Variants in CCDC150 observed in about 807,000 individuals in gnomAD.
CCDC150 encodes coiled-coil domain containing 150.
A neutral mutation model predicts 156.5 loss-of-function variants in CCDC150; 151 were observed. The ratio of observed to expected loss-of-function variants is 0.97; its 90% CI spans 0.85 to 1.10. The LOEUF is 1.10. CCDC150 is among the 50% of genes least tolerant of loss of function. CCDC150 has a pLI of 0.00. For missense variants in CCDC150, 1,312 were observed against 1,268.1 expected (o/e 1.03, Z -0.53); for synonymous variants, 452 against 429.4 (o/e 1.05, Z -0.65).
chr2:196,710,220 C>T (rs1044719126), intron 15 of CCDC150, among the ~76,000 whole-genome samples: 19 of 152,262 alleles, frequency 1.2e-4, no homozygotes, highest in African/African-American at 3.4e-4. Flanking sequence ...TCAGCAATGG[C>T]GGACGCCCCT....
chr2:196,670,257 C>CA (rs1694123237), intron 8 of CCDC150, among the ~76,000 whole-genome samples: 1 of 151,920 alleles, frequency 6.6e-6, no homozygotes, highest in South Asian at 2.1e-4. Context: ...TAAATTTTGT[C>CA]ATGTATATTT....
At chr2:196,676,449 A>T (rs1281069099) in intron 11 of CCDC150, 105 bp from the exon 12 acceptor site, 1 of 1,305,592 alleles carries the variant, frequency 7.7e-7, no homozygotes, top group African/African-American at 1.5e-5. Flanking sequence ...CATTTTGGTA[A>T]CTACTCTCAG....
chr2:196,674,573 A>G (rs1336209981), intron 10 of CCDC150, among the ~76,000 whole-genome samples: 3 of 152,154 alleles, frequency 2.0e-5, no homozygotes, highest in Non-Finnish European at 2.9e-5. Flanking sequence ...TTGAGGAAAA[A>G]TAATTATTTG....
intron 9 of CCDC150, among the ~76,000 whole-genome samples, chr2:196,672,752 G>A (rs1210568419): frequency 1.3e-5 from 2 of 152,054 alleles, no homozygotes; most frequent in Non-Finnish European, 2.9e-5. Flanking sequence ...GTGAACTTCT[G>A]AATAATTCCA....
At chr2:196,644,930 C>T (rs1692441871) in intron 1 of CCDC150, among the ~76,000 whole-genome samples, 1 of 148,188 alleles carries the variant, frequency 6.7e-6, no homozygotes. Flanking sequence ...GCCTGGCCAA[C>T]ATGGTGAAAC....
At chr2:196,704,708 A>G (rs1261024770) in intron 15 of CCDC150, among the ~76,000 whole-genome samples, 1 of 151,606 alleles carries the variant, frequency 6.6e-6, no homozygotes, top group South Asian at 2.1e-4. Flanking sequence ...GCTGCTCCCC[A>G]CCCCACGACA....
Position 196,656,821 on chromosome 2 carries a change from A to G in CCDC150, c.365A>G (p.Gln122Arg). The G allele has an allele frequency of 1.2e-6, 2 of 1,613,950 alleles. No individual in the cohort carries two copies. The highest frequency in any genetic ancestry group is 1.7e-6 in the Non-Finnish European group (2 of 1,179,854). Residue 122 changes from glutamine to arginine, a missense_variant, in exon 3 of 28, where the codon CAA becomes CGA. Physicochemically the swap from Gln to Arg is conservative, Grantham distance 43 (BLOSUM62 1). Coordinates refer to ENST00000389175, the MANE Select transcript of CCDC150 (RefSeq NM_001080539.2). The stretch of plus-strand genomic sequence containing the variant: ...TTGAAGATGAACATCTTTCGGCTGC[A>G]AACTGAAAAGGATTTGAATCCTCAG... ...QSLKMNIFRL[Q>R]TEKDLNPQKT...
At chr2:196,655,113 A>C (rs1693112084) in intron 2 of CCDC150, among the ~76,000 whole-genome samples, 1 of 152,216 alleles carries the variant, frequency 6.6e-6, no homozygotes, top group Non-Finnish European at 1.5e-5. Context: ...TTTATCCCTT[A>C]CTGCGCTAAA....
chr2:196,675,862 A>G (rs1014802259), intron 10 of CCDC150, among the ~76,000 whole-genome samples: 1 of 152,174 alleles, frequency 6.6e-6, no homozygotes, highest in Non-Finnish European at 1.5e-5. Flanking sequence ...ATATTTAAAA[A>G]TTTGTTGGTA....
intron 13 of CCDC150, among the ~76,000 whole-genome samples, chr2:196,682,465 TGA>T (rs1251400511): frequency 3.3e-5 from 5 of 152,036 alleles, no homozygotes; most frequent in Admixed American, 2.6e-4. Context: ...CATTTCTATA[TGA>T]ATTTTAGGAC....
At chr2:196,699,941 T>A (rs1408978998) in intron 14 of CCDC150, among the ~76,000 whole-genome samples, 1 of 152,222 alleles carries the variant, frequency 6.6e-6, no homozygotes, top group Non-Finnish European at 1.5e-5. Context: ...GTTCACACAC[T>A]TAAAATAAAG....
intron 5 of CCDC150, among the ~76,000 whole-genome samples, chr2:196,662,448 G>T (rs898763686): frequency 6.6e-6 from 1 of 152,168 alleles, no homozygotes; most frequent in Non-Finnish European, 1.5e-5. Flanking sequence ...TCAGGCATTA[G>T]TTAGATTCTC....
At chr2:196,694,374 T>C (rs966942231) in intron 13 of CCDC150, among the ~76,000 whole-genome samples, 3 of 152,170 alleles carry the variant, frequency 2.0e-5, no homozygotes, top group Non-Finnish European at 2.9e-5. Context: ...TTTGCATCTA[T>C]ATTCATAAGC....
chr2:196,677,283 C>G lies in CCDC150; in HGVS notation c.1441-10C>G, dbSNP rs370859251. 6.4e-7 allele frequency: 1 copy of G among 1,558,450 alleles called. No individual in the cohort carries two copies. The highest frequency in any genetic ancestry group is 1.9e-5 in the Admixed American group (1 of 52,394). The stretch of plus-strand genomic sequence containing the variant: ...ACCTATTCCTTTTTTTTCCCATCCT[C>G]CTTGGGCAGGTTAATAAAACAGAAA... On this transcript the variant is annotated splice_polypyrimidine_tract_variant and intron_variant, in intron 12 of 27. Transcript: ENST00000389175.
chr2:196,646,442 A>G lies in CCDC150; in HGVS notation c.114A>G (p.Ile38Met). Residue 38 changes from isoleucine to methionine, a missense_variant, in exon 2 of 28, where the codon ATA becomes ATG. Ile to Met is a conservative substitution (Grantham distance 10, BLOSUM62 1). Coordinates refer to ENST00000389175, the MANE Select transcript of CCDC150 (RefSeq NM_001080539.2). ...CAGTACTTCAGCAAAGGATGAGAAT[A>G]GTTGAGGAACAGACCAGTTCACTGA... is the stretch of plus-strand genomic sequence containing the variant. ...TFTVLQQRMR[I>M]VEEQTSSLRD... 1.9e-6 allele frequency: 3 copies of G among 1,613,892 alleles called. No homozygotes were observed. The highest frequency in any genetic ancestry group is 8.5e-7 in the Non-Finnish European group (1 of 1,179,758).
Position 196,718,575 on chromosome 2 carries a change from G to T in CCDC150, c.1939G>T (p.Glu647Ter). Reference sequence around the variant, plus strand: ...GAAGTGTCGTAATGCGGCCCTGAAAGAGAGTCAGAAGTTGAAAGAAGACCT... The same window carrying T: ...GAAGTGTCGTAATGCGGCCCTGAAATAGAGTCAGAAGTTGAAAGAAGACCT... Reference protein sequence around the residue: ...TVKCRNAALKESQKLKEDLEA... With the variant: ...TVKCRNAALK Residue 647 changes from glutamate to a stop codon, truncating the protein, a stop_gained, in exon 18 of 28, where the codon GAG becomes TAG. Coordinates refer to ENST00000389175, the MANE Select transcript of CCDC150 (RefSeq NM_001080539.2). LOFTEE classifies it high-confidence loss of function. 1 of 1,613,888 alleles carries T rather than the reference G, an allele frequency of 6.2e-7. No individual in the cohort carries two copies. The highest frequency in any genetic ancestry group is 8.5e-7 in the Non-Finnish European group (1 of 1,179,816).
chr2:196,718,680 AT>A (rs770083537), intron 18 of CCDC150, 49 bp downstream of exon 18: 2 of 1,598,270 alleles, frequency 1.3e-6, no homozygotes, highest in East Asian at 4.5e-5. Context: ...AGAAGCACTT[AT>A]GAAATCTTTC....
At chr2:196,655,237 G>A (rs1693118146) in intron 2 of CCDC150, among the ~76,000 whole-genome samples, 1 of 152,192 alleles carries the variant, frequency 6.6e-6, no homozygotes. Context: ...ATCCTCTGAG[G>A]GTATGGCCAC....
intron 18 of CCDC150, chr2:196,719,137 C>T (rs946210233): frequency 1.8e-5 from 3 of 166,616 alleles, no homozygotes; most frequent in Admixed American, 6.3e-5. Context: ...AATTCTAATG[C>T]GTTTCAGATG....
Sources: gnomAD v4.1 joint callset for allele counts (sites outside exome capture counted in the v4.1 genomes callset) on GRCh38, gnomAD v4.1.1 for gene constraint, MANE v1.5 for transcripts, NCBI Gene and HGNC (gene_info 2026-07-23, HGNC 2026-07-21) for gene names.